Variants in UNC13A observed in about 807,000 individuals in gnomAD.
The protein encoded by UNC13A is protein unc-13 homolog A.
In UNC13A, 61 loss-of-function variants were observed where a neutral mutation model predicts 219.7. The observed-to-expected ratio is 0.28, with a 90% CI of 0.23 to 0.34. UNC13A has a LOEUF of 0.34. Among genes scored for constraint, UNC13A ranks in the 10% least tolerant of loss-of-function variants. UNC13A has a pLI of 1.00. For synonymous variants in UNC13A, 920 were observed against 884.6 expected (o/e 1.04, Z -0.71); for missense variants, 1,476 against 2,270.3 (o/e 0.65, Z 7.11).
chr19:17,672,098 C>A (rs565465061), intron 4 of UNC13A, among the ~76,000 whole-genome samples: 12 of 152,230 alleles, frequency 7.9e-5, no homozygotes, highest in South Asian at 6.2e-4. Flanking sequence ...CCACCCCCCT[C>A]CCCCACCACC....
At chr19:17,641,754 A>G (rs758585581) in intron 20 of UNC13A, among the ~76,000 whole-genome samples, 198 bp from the exon 21 acceptor site, 23 of 151,902 alleles carry the variant, frequency 1.5e-4, no homozygotes, top group Non-Finnish European at 3.1e-4. Flanking sequence ...CCTTTCAGTA[A>G]TTCAACCACA....
chr19:17,618,534 G>C lies in UNC13A; in HGVS notation c.4330-33C>G, dbSNP rs561619102. 8.9e-5 allele frequency: 139 copies of C among 1,563,274 alleles called. 2 individuals carry two copies. In the South Asian group the frequency reaches 1.6e-3, roughly 18 times the overall value. ...GATGGGGAGAGGGGCCATGTGGGTG[G>C]AGTGGGCTCCACCTTTGGAATCTGT... On this transcript the variant is annotated intron_variant, in intron 39 of 43. Coordinates refer to ENST00000519716, the MANE Select transcript of UNC13A (RefSeq NM_001080421.3).
intron 31 of UNC13A, chr19:17,628,316 G>C: frequency 5.3e-6 from 1 of 188,890 alleles, no homozygotes; most frequent in Non-Finnish European, 1.1e-5. Flanking sequence ...GAAGGCGTGT[G>C]CCCTCACCCC....
At chr19:17,661,467 G>A (rs1181557230) in intron 8 of UNC13A, among the ~76,000 whole-genome samples, 2 of 152,058 alleles carry the variant, frequency 1.3e-5, no homozygotes, top group Admixed American at 6.6e-5. Context: ...GCCAAGGCGG[G>A]AGGATTGCTT....
intron 41 of UNC13A, among the ~76,000 whole-genome samples, chr19:17,615,553 C>A (rs1278482884): frequency 3.3e-5 from 5 of 152,086 alleles, no homozygotes; most frequent in Non-Finnish European, 7.4e-5. Context: ...GTGGTGCGGG[C>A]CTGTAATCCC....
chr19:17,679,500 C>A (rs141698297), intron 1 of UNC13A, among the ~76,000 whole-genome samples: 1 of 141,162 alleles, frequency 7.1e-6, no homozygotes, highest in East Asian at 2.1e-4. Context: ...AGAGGAGAGG[C>A]AGTTGGGGGA....
chr19:17,619,821 T>C (rs1230171655), intron 38 of UNC13A, among the ~76,000 whole-genome samples: 2 of 152,072 alleles, frequency 1.3e-5, no homozygotes, highest in African/African-American at 2.4e-5. Flanking sequence ...ACTAGCAAGA[T>C]GGTGATGTGG....
rs2076488341 is a variant in UNC13A, at chr19:17,603,478, T to C, written c.*2576A>G. 1 of 152,248 alleles carries C rather than the reference T, an allele frequency of 6.6e-6. No homozygotes were observed. The highest frequency in any genetic ancestry group is 2.4e-5 in the African/African-American group (1 of 41,452). 9.4% of individuals were successfully genotyped at this position (152,248 alleles called of 1,614,324 possible). A position where few individuals can be genotyped will look rare whatever the true frequency, so the allele number is the denominator to read the frequency against. On this transcript the variant is annotated 3_prime_UTR_variant, in exon 44 of 44. Coordinates refer to ENST00000519716, the MANE Select transcript of UNC13A (RefSeq NM_001080421.3). The stretch of plus-strand genomic sequence containing the variant: ...ATTCACATCTGCTCCTCAGTCCATA[T>C]AACAGTCACATAAGCTTATCCCTGG...
rs536963753 is a variant in UNC13A at position 17,627,703 on chromosome 19, A to C, written c.3832-106T>G. ...AGGGATCCCAAGGGGCTGCAGGGGA[A>C]ACTGAGGCACAGACCGTTATGCTGC... On this transcript the variant is annotated intron_variant, in intron 32 of 43. Transcript: ENST00000519716. This position sits in a 1 kb window ranked among gnomAD's most constrained non-coding sequence, Gnocchi z 4.7. 3 of 1,255,280 alleles carry C rather than the reference A, an allele frequency of 2.4e-6. No homozygotes were observed. The highest frequency in any genetic ancestry group is 3.4e-6 in the Non-Finnish European group (3 of 885,980). 77.8% of individuals were successfully genotyped at this position (1,255,280 alleles called of 1,614,324 possible). A position where few individuals can be genotyped will look rare whatever the true frequency, so the allele number is the denominator to read the frequency against.
intron 37 of UNC13A, 123 bp downstream of exon 37, chr19:17,621,709 A>G: frequency 1.1e-6 from 1 of 926,974 alleles, no homozygotes; most frequent in Non-Finnish European, 1.7e-6. Flanking sequence ...CTTGGTTAGG[A>G]GAGCTATCTC....
At chr19:17,672,268 T>G in intron 4 of UNC13A, 110 bp downstream of exon 4, 1 of 854,620 alleles carries the variant, frequency 1.2e-6, no homozygotes, top group East Asian at 2.6e-5. Flanking sequence ...AGTGTCTACA[T>G]TGATGTTGTC....
intron 12 of UNC13A, among the ~76,000 whole-genome samples, chr19:17,651,645 C>A (rs1268603934): frequency 1.3e-5 from 2 of 152,148 alleles, no homozygotes; most frequent in Non-Finnish European, 2.9e-5. Flanking sequence ...CTTAGAGACT[C>A]CTAAACCACA....
chr19:17,621,273 T>C (rs1462221706), intron 37 of UNC13A, among the ~76,000 whole-genome samples: 1 of 152,088 alleles, frequency 6.6e-6, no homozygotes. Context: ...CCTGGGACAC[T>C]GAATGTGCCC....
At chr19:17,634,931 G>A (rs1363972452) in intron 26 of UNC13A, among the ~76,000 whole-genome samples, 1 of 151,902 alleles carries the variant, frequency 6.6e-6, no homozygotes, top group Non-Finnish European at 1.5e-5. Context: ...GAGTGCAGTG[G>A]CCAATCTCGG....
chr19:17,673,521 G>A (rs1050318937), intron 3 of UNC13A, among the ~76,000 whole-genome samples: 5 of 149,134 alleles, frequency 3.4e-5, no homozygotes, highest in African/African-American at 1.2e-4. Flanking sequence ...GGTGAAACCC[G>A]GTCTTTACTA....
rs533722538 is a variant in UNC13A, at chr19:17,686,298, G to GCCCCCCCCCCCCCC, written c.22+1866_22+1879dup. Among the ~76,000 whole-genome samples, 4 of 81,894 alleles carry GCCCCCCCCCCCCCC rather than the reference G, an allele frequency of 4.9e-5. 1 individual carries two copies. The highest frequency in any genetic ancestry group is 1.1e-4 in the Non-Finnish European group (4 of 37,434). The allele number at this position is 81,894 out of a possible 152,430, so 53.7% of individuals were successfully genotyped here. ...CGTCAGAGTTAAGGGTGAGATCCCC[G>GCCCCCCCCCCCCCC]CCCCCCCCCCCCCCCCCCCACTCCA... On this transcript the variant is annotated intron_variant, in intron 1 of 43. Coordinates refer to ENST00000519716, the MANE Select transcript of UNC13A (RefSeq NM_001080421.3).
chr19:17,672,456 C>T lies in UNC13A; in HGVS notation c.192G>A (p.Val64=). The stretch of plus-strand genomic sequence containing the variant: ...TGTCCCAGATGAGACCCTTATTCCA[C>T]ACCTCCACCGTCAGTCCCAAATCCA... The part of the protein sequence containing the change: ...NRLDLGLTVE[V]WNKGLIWDTM... Residue 64 remains valine (V), a synonymous_variant, in exon 4 of 44, where the codon GTG becomes GTA. Coordinates refer to ENST00000519716, the MANE Select transcript of UNC13A (RefSeq NM_001080421.3). 6.2e-7 allele frequency: 1 copy of T among 1,613,884 alleles called. No individual in the cohort carries two copies.
At chr19:17,615,481 C>T (rs142304062) in intron 41 of UNC13A, among the ~76,000 whole-genome samples, 55 of 152,304 alleles carry the variant, frequency 3.6e-4, no homozygotes, top group Middle Eastern at 6.8e-3. Flanking sequence ...GAGTTCAAGA[C>T]CAGCCTGGCC....
chr19:17,630,065 TTAGC>T (rs2076826298), intron 30 of UNC13A, 76 bp downstream of exon 30: 62 of 1,467,880 alleles, frequency 4.2e-5, no homozygotes, highest in Non-Finnish European at 5.6e-5. Context: ...AACCTCAACC[TTAGC>T]CCATCTCCAA....
Sources: gnomAD v4.1 joint callset for allele counts (sites outside exome capture counted in the v4.1 genomes callset) on GRCh38, gnomAD v4.1.1 for gene constraint, Gnocchi (gnomAD v3.1) non-coding constraint, MANE v1.5 for transcripts, NCBI Gene and HGNC (gene_info 2026-07-23, HGNC 2026-07-21) for gene names.